ITGA9: variants seen among roughly 807,000 people sequenced by gnomAD.
ITGA9 encodes integrin alpha-9.
A neutral mutation model predicts 127.8 loss-of-function variants in ITGA9; 56 were observed. That is an observed-to-expected ratio of 0.44 (90% CI 0.35 to 0.55). The LOEUF is 0.55. Among genes scored for constraint, ITGA9 ranks in the 20% least tolerant of loss-of-function variants. ITGA9 has a pLI of 0.00. For missense variants in ITGA9, 1,196 were observed against 1,347.1 expected, an observed-to-expected ratio of 0.89 and a Z score of 1.76; for synonymous variants, 508 against 514.5, an observed-to-expected ratio of 0.99 and a Z score of 0.17.
intron 16 of ITGA9, among the ~76,000 whole-genome samples, chr3:37,652,837 T>C (rs1169269723): frequency 1.3e-5 from 2 of 152,206 alleles, no homozygotes; most frequent in Non-Finnish European, 2.9e-5. Flanking sequence ...CATCTGGAAC[T>C]TGGGGAAGCT....
chr3:37,472,538 A>G lies in ITGA9; in HGVS notation c.314-816A>G, dbSNP rs192323455. Among the ~76,000 whole-genome samples the G allele has an allele frequency of 2.0e-3, 309 of 152,044 alleles. 4 individuals are homozygous for G. Among genetic ancestry groups the G allele is most frequent in the African/African-American group, 7.2e-3 (298 of 41,484 alleles). ...CTCAGCCTCCCGAGTAGCTGGGATT[A>G]CAGTGTATGACCATCTTCGGCTAAT... On this transcript the variant is annotated intron_variant, in intron 2 of 27. Transcript: ENST00000264741.
intron 15 of ITGA9, among the ~76,000 whole-genome samples, chr3:37,579,822 G>C (rs1699688596): frequency 6.6e-6 from 1 of 152,132 alleles, no homozygotes; most frequent in Non-Finnish European, 1.5e-5. Context: ...ACATGTTGGA[G>C]TTATAGCCCA....
intron 15 of ITGA9, among the ~76,000 whole-genome samples, chr3:37,607,019 C>T (rs1297618601): frequency 6.7e-6 from 1 of 148,672 alleles, no homozygotes; most frequent in Non-Finnish European, 1.5e-5. Context: ...TACTCTGTCA[C>T]CCAGGCAGGC....
chr3:37,791,123 C>T (rs1339118366), intron 26 of ITGA9, among the ~76,000 whole-genome samples: 1 of 152,056 alleles, frequency 6.6e-6, no homozygotes, highest in Admixed American at 6.6e-5. Context: ...GTTACTGAGG[C>T]CCACAGAAGA....
chr3:37,456,272 T>C (rs569229809), intron 1 of ITGA9, among the ~76,000 whole-genome samples: 1 of 152,308 alleles, frequency 6.6e-6, no homozygotes, highest in Non-Finnish European at 1.5e-5. Flanking sequence ...TTTCTTTTTT[T>C]CTAATAACAC....
chr3:37,821,748 G>A lies in ITGA9; in HGVS notation c.*2759G>A, dbSNP rs1559609189. On this transcript the variant is annotated 3_prime_UTR_variant, in exon 28 of 28. Coordinates refer to ENST00000264741, the MANE Select transcript of ITGA9 (RefSeq NM_002207.3). ...TTTGCTTCTGCTTGATTCTGCGTGG[G>A]TGGACCCACATGAGCAGCTGTATAC... 6.6e-6 allele frequency: 1 copy of A among 151,814 alleles called. No homozygotes were observed. Among genetic ancestry groups the A allele is most frequent in the Non-Finnish European group, 1.5e-5 (1 of 67,992 alleles). 9.4% of individuals were successfully genotyped at this position (151,814 alleles called of 1,614,324 possible).
chr3:37,540,172 C>T lies in ITGA9; in HGVS notation c.1529-2253C>T, dbSNP rs59177941. 2.1e-3 allele frequency among the ~76,000 whole-genome samples: 314 copies of T among 152,326 alleles called. 2 individuals carry two copies. Among genetic ancestry groups the T allele is most frequent in the African/African-American group, 7.0e-3 (291 of 41,564 alleles). On this transcript the variant is annotated intron_variant, in intron 14 of 27. Coordinates refer to ENST00000264741, the MANE Select transcript of ITGA9 (RefSeq NM_002207.3). ...TCTCTGGTAAGATAGTCCAGTCTCG[C>T]TGTTCTCTCCATTGTCTCCCTTCCT...
At chr3:37,667,258 C>T (rs1038369740) in intron 17 of ITGA9, among the ~76,000 whole-genome samples, 2 of 152,210 alleles carry the variant, frequency 1.3e-5, no homozygotes, top group Non-Finnish European at 2.9e-5. Flanking sequence ...TTTTGCCAAA[C>T]ACCCAACATT....
intron 16 of ITGA9, among the ~76,000 whole-genome samples, chr3:37,648,946 T>C (rs1309458497): frequency 1.3e-5 from 2 of 151,810 alleles, no homozygotes; most frequent in African/African-American, 4.8e-5. Context: ...CAATAGCATG[T>C]AACTTGGGGG....
chr3:37,489,076 A>T (rs913154992), intron 4 of ITGA9, among the ~76,000 whole-genome samples: 11 of 152,212 alleles, frequency 7.2e-5, no homozygotes, highest in Non-Finnish European at 1.6e-4. Flanking sequence ...ATCATACAGT[A>T]TGTGCCCTTT....
intron 17 of ITGA9, among the ~76,000 whole-genome samples, chr3:37,669,231 C>G (rs1158762690): frequency 2.0e-5 from 3 of 152,244 alleles, no homozygotes; most frequent in Admixed American, 6.5e-5. Flanking sequence ...GCAAGCTGCT[C>G]ACAGTGGCCC....
rs114452527 is a variant in ITGA9, at chr3:37,750,949, T to A, written c.2541+380T>A. Among the ~76,000 whole-genome samples, 1,100 of 152,326 alleles carry A rather than the reference T, an allele frequency of 7.2e-3. 20 individuals are homozygous for A. Among genetic ancestry groups the A allele is most frequent in the African/African-American group, 0.025 (1,047 of 41,576 alleles). ...GTTGAGAGGATTGTGAAAGCATTGCTCTCTATAGGGGCACGTGAAGGACAT... is the reference window on the plus strand; with the variant it reads ...GTTGAGAGGATTGTGAAAGCATTGCACTCTATAGGGGCACGTGAAGGACAT... On this transcript the variant is annotated intron_variant, in intron 23 of 27. Coordinates refer to ENST00000264741, the MANE Select transcript of ITGA9 (RefSeq NM_002207.3).
intron 15 of ITGA9, among the ~76,000 whole-genome samples, chr3:37,557,281 A>G (rs1024953234): frequency 3.3e-5 from 5 of 152,180 alleles, no homozygotes; most frequent in Admixed American, 2.6e-4. Context: ...GTGGCCTCCT[A>G]TATTTCTTCC....
intron 18 of ITGA9, among the ~76,000 whole-genome samples, chr3:37,684,817 TTGAG>T (rs1700766774): frequency 6.6e-6 from 1 of 152,170 alleles, no homozygotes; most frequent in Non-Finnish European, 1.5e-5. Context: ...TTTCCACAAA[TTGAG>T]TGAGTTTTTT....
rs527981444 is a variant in ITGA9 at position 37,512,118 on chromosome 3, TTC to T, written c.898-1643_898-1642del. 5.8e-4 allele frequency among the ~76,000 whole-genome samples: 58 copies of T among 99,460 alleles called. 6 individuals carry two copies. Among genetic ancestry groups the T allele is most frequent in the East Asian group, 3.7e-3 (13 of 3,506 alleles). The allele number at this position is 99,460 out of a possible 152,430, so 65.2% of individuals were successfully genotyped here. A position where few individuals can be genotyped will look rare whatever the true frequency, so the allele number is the denominator to read the frequency against. The stretch of plus-strand genomic sequence containing the variant: ...CTTCCTTCCTTCCTTCCTTCCTTCC[TTC>T]TTTCTTTTCTTTTCTTTTCTTTTCT... On this transcript the variant is annotated intron_variant, in intron 8 of 27. Coordinates refer to ENST00000264741, the MANE Select transcript of ITGA9 (RefSeq NM_002207.3).
At position 37,614,494 on chromosome 3, in the gene ITGA9, C is replaced by A. The variant is rs1377941992; in HGVS notation, c.1690-14693C>A. Among the ~76,000 whole-genome samples, 4 of 151,742 alleles carry A rather than the reference C, an allele frequency of 2.6e-5. No individual in the cohort carries two copies. The East Asian group carries it at 7.7e-4, about 29-fold the overall frequency. On this transcript the variant is annotated intron_variant, in intron 15 of 27. Transcript: ENST00000264741. ...AACTTGAAAGTAGTTTTTTCCAATT[C>A]TGTGAAGAAAGTCATTGGTAGCTTG... is the stretch of plus-strand genomic sequence containing the variant.
chr3:37,594,502 ATT>A (rs11299412), intron 15 of ITGA9, among the ~76,000 whole-genome samples: 17 of 150,660 alleles, frequency 1.1e-4, no homozygotes, highest in South Asian at 2.1e-4. Flanking sequence ...GGAAGTTTGT[ATT>A]TTTTTTTTTA....
intron 23 of ITGA9, among the ~76,000 whole-genome samples, chr3:37,775,671 A>G (rs944499984): frequency 6.6e-6 from 1 of 152,088 alleles, no homozygotes; most frequent in African/African-American, 2.4e-5. Flanking sequence ...GCAAAAGTCA[A>G]AAATCAACAG....
chr3:37,470,583 A>G (rs1412148530), intron 1 of ITGA9, among the ~76,000 whole-genome samples: 1 of 152,100 alleles, frequency 6.6e-6, no homozygotes, highest in Non-Finnish European at 1.5e-5. Flanking sequence ...TAGATTTTGG[A>G]TAGGAACCTT....
Sources: allele counts gnomAD v4.1 joint callset (sites outside exome capture counted in the v4.1 genomes callset), GRCh38; gene constraint gnomAD v4.1.1; transcripts MANE v1.5; gene names NCBI Gene and HGNC (gene_info 2026-07-23, HGNC 2026-07-21).